PIK3C2B: variants seen among roughly 807,000 people sequenced by gnomAD.
PIK3C2B encodes the protein phosphatidylinositol-4-phosphate 3-kinase catalytic subunit type 2 beta.
A neutral mutation model predicts 184.3 loss-of-function variants in PIK3C2B; 83 were observed. The ratio of observed to expected loss-of-function variants is 0.45; its 90% confidence interval spans 0.38 to 0.54. The LOEUF (loss-of-function observed/expected upper bound fraction) is 0.54. Ranked by LOEUF, PIK3C2B falls within the 20% of genes least tolerant of loss-of-function variation. PIK3C2B has a pLI of 0.00. For missense variants in PIK3C2B, 1,736 were observed against 2,113.5 expected (o/e 0.82, Z 3.50); for synonymous variants, 779 against 837.6 (o/e 0.93, Z 1.21).
chr1:204,454,940 A>C, intron 11 of PIK3C2B, 149 bp from the exon 12 acceptor site: 1 of 809,484 alleles, frequency 1.2e-6, no homozygotes, highest in South Asian at 1.9e-5. Flanking sequence ...TAGGACAGCC[A>C]AACTGGATGT....
At chr1:204,489,351 T>C (rs1053902300) in intron 1 of PIK3C2B, among the ~76,000 whole-genome samples, 4 of 152,046 alleles carry the variant, frequency 2.6e-5, no homozygotes, top group African/African-American at 9.7e-5. Flanking sequence ...TTTTTATTTT[T>C]AGTAGAGACA....
At chr1:204,443,382 T>A (rs1379193527) in intron 19 of PIK3C2B, 35 bp downstream of exon 19, 1 of 1,576,776 alleles carries the variant, frequency 6.3e-7, no homozygotes, top group Non-Finnish European at 8.7e-7. Context: ...AAGCCCTGGA[T>A]GAGAAATGGG....
chr1:204,432,159 C>G (rs374248230), intron 27 of PIK3C2B, 41 bp downstream of exon 27: 2 of 1,567,228 alleles, frequency 1.3e-6, no homozygotes, highest in Non-Finnish European at 1.8e-6. Context: ...CCAGGGTCAG[C>G]AGAGAGCAGG....
At chr1:204,435,981 CTCTT>C (rs1243532549) in intron 23 of PIK3C2B, 2 of 152,226 alleles carry the variant, frequency 1.3e-5, no homozygotes, top group Non-Finnish European at 1.5e-5. Flanking sequence ...GTCACAGATG[CTCTT>C]TCTACCTTAA....
intron 2 of PIK3C2B, among the ~76,000 whole-genome samples, chr1:204,467,528 C>T (rs71633510): frequency 6.6e-6 from 1 of 152,120 alleles, no homozygotes; most frequent in Non-Finnish European, 1.5e-5. Flanking sequence ...AAGTAGAATG[C>T]TAAGCTGTCA....
intron 1 of PIK3C2B, among the ~76,000 whole-genome samples, chr1:204,474,054 C>T (rs1296925688): frequency 6.9e-6 from 1 of 144,334 alleles, no homozygotes; most frequent in African/African-American, 2.6e-5. Flanking sequence ...TGCAATGGCG[C>T]GATCTCGGCT....
chr1:204,424,691 T>C lies in PIK3C2B; in HGVS notation c.*161A>G, dbSNP rs200312111. The C allele has an allele frequency of 2.7e-5, 21 of 787,318 alleles. No individual in the cohort carries two copies. The highest frequency in any genetic ancestry group is 3.9e-5 in the Non-Finnish European group (17 of 438,784). 48.8% of individuals were successfully genotyped at this position (787,318 alleles called of 1,614,324 possible). A position where few individuals can be genotyped will look rare whatever the true frequency, so the allele number is the denominator to read the frequency against. Reference sequence around the variant, plus strand: ...AGAGGAAGAGACAGCAGAGCATGTCTTACTCTCCCTGCCTCCTACCACAGA... The same window carrying C: ...AGAGGAAGAGACAGCAGAGCATGTCCTACTCTCCCTGCCTCCTACCACAGA... On this transcript the variant is annotated 3_prime_UTR_variant, in exon 33 of 33. Transcript: ENST00000684373.
In PIK3C2B at chr1:204,424,364, C is replaced by G. The variant is rs1674634535; in HGVS notation, c.*488G>C. 2 of 196,498 alleles carry G rather than the reference C, an allele frequency of 1.0e-5. No homozygotes were observed. Among genetic ancestry groups the G allele is most frequent in the Non-Finnish European group, 2.1e-5 (2 of 93,174 alleles). 12.2% of individuals were successfully genotyped at this position (196,498 alleles called of 1,614,324 possible). A position where few individuals can be genotyped will look rare whatever the true frequency, so the allele number is the denominator to read the frequency against. ...AAAAAAAAAAACCTAGGGAAAAGTC[C>G]AATAAGAACCTTAATCATACAAAAA... On this transcript the variant is annotated 3_prime_UTR_variant, in exon 33 of 33. Coordinates refer to ENST00000684373, the MANE Select transcript of PIK3C2B (RefSeq NM_001377334.1).
In PIK3C2B at chr1:204,447,514, G is replaced by A; in HGVS notation, c.2411C>T (p.Pro804Leu). 3.1e-6 allele frequency: 5 copies of A among 1,612,716 alleles called. No individual in the cohort carries two copies. In the South Asian group the frequency reaches 4.4e-5, roughly 14 times the overall value. ...CCGGAGGCTGCCAAACTCATAGCGGGGGCTGAACTTGTCTCCAGGGGGGCT... is the reference window on the plus strand; with the variant it reads ...CCGGAGGCTGCCAAACTCATAGCGGAGGCTGAACTTGTCTCCAGGGGGGCT... ...FTSPPGDKFS[P>L]RYEFGSLREE... The change falls in exon 15 of 33, where the codon CCC becomes CTC. Residue 804 changes from proline to leucine, a missense_variant. Coordinates refer to ENST00000684373, the MANE Select transcript of PIK3C2B (RefSeq NM_001377334.1). This position sits in a 1 kb window ranked among gnomAD's most constrained non-coding sequence, Gnocchi z 4.1.
intron 1 of PIK3C2B, among the ~76,000 whole-genome samples, chr1:204,470,448 G>A (rs1271920745): frequency 1.3e-5 from 2 of 152,202 alleles, no homozygotes; most frequent in African/African-American, 2.4e-5. Context: ...GATTACAGGC[G>A]TGAGCTACCA....
chr1:204,443,043 G>T (rs541083682), intron 19 of PIK3C2B, among the ~76,000 whole-genome samples: 3 of 152,348 alleles, frequency 2.0e-5, no homozygotes, highest in South Asian at 4.1e-4. Context: ...AACAGATAAA[G>T]GTGTCCTCTC....
intron 12 of PIK3C2B, 39 bp downstream of exon 12, chr1:204,454,630 A>G: frequency 6.2e-7 from 1 of 1,609,010 alleles, no homozygotes; most frequent in East Asian, 2.2e-5. Flanking sequence ...GAGCAGGTCT[A>G]CAGTGGCCTG....
intron 1 of PIK3C2B, among the ~76,000 whole-genome samples, chr1:204,473,732 T>C (rs960691730): frequency 6.6e-6 from 1 of 152,238 alleles, no homozygotes; most frequent in African/African-American, 2.4e-5. Context: ...CACCCACTTA[T>C]GCATACTTGC....
At chr1:204,445,079 T>C (rs1276494846) in intron 16 of PIK3C2B, among the ~76,000 whole-genome samples, 5 of 151,992 alleles carry the variant, frequency 3.3e-5, no homozygotes, top group African/African-American at 7.3e-5. Context: ...AAAGAGGGAA[T>C]GGGCAATGAT....
At chr1:204,430,107 C>CT in intron 28 of PIK3C2B, 69 bp from the exon 29 acceptor site, 2 of 967,896 alleles carry the variant, frequency 2.1e-6, no homozygotes, top group Non-Finnish European at 3.2e-6. Context: ...ACACAATGGG[C>CT]TTTTTTCACA....
chr1:204,474,021 C>T (rs1484143321), intron 1 of PIK3C2B, among the ~76,000 whole-genome samples: 3 of 102,594 alleles, frequency 2.9e-5, no homozygotes, highest in African/African-American at 1.0e-4. Context: ...GATGGAGTTT[C>T]GCTCTTGCTG....
At chr1:204,481,447 C>A (rs781644869) in intron 1 of PIK3C2B, among the ~76,000 whole-genome samples, 2 of 151,930 alleles carry the variant, frequency 1.3e-5, no homozygotes, top group Non-Finnish European at 2.9e-5. Context: ...TTAGTAGACA[C>A]GGGGTTTCAT....
At position 204,447,413 on chromosome 1, in the gene PIK3C2B, T is replaced by C; in HGVS notation, c.2489+23A>G. 6.2e-7 allele frequency: 1 copy of C among 1,605,192 alleles called. No individual in the cohort carries two copies. Among genetic ancestry groups the C allele is most frequent in the Non-Finnish European group, 8.5e-7 (1 of 1,173,226 alleles). On this transcript the variant is annotated intron_variant, in intron 15 of 32. Coordinates refer to ENST00000684373, the MANE Select transcript of PIK3C2B (RefSeq NM_001377334.1). The surrounding 1 kb of genome is among the most constrained non-coding windows in gnomAD (Gnocchi z 4.1). ...GGGAGGTCAGATGAAACATGACAGA[T>C]TCAGTGGGGGCCCGGGTCTCACCAG...
intron 3 of PIK3C2B, 143 bp downstream of exon 3, chr1:204,465,076 T>C (rs1019190991): frequency 1.5e-6 from 1 of 654,504 alleles, no homozygotes; most frequent in Non-Finnish European, 2.8e-6. Context: ...CAGACACTTG[T>C]TGTAGGAAGC....
Sources: allele counts gnomAD v4.1 joint callset (sites outside exome capture counted in the v4.1 genomes callset), GRCh38; gene constraint gnomAD v4.1.1; non-coding constraint Gnocchi (gnomAD v3.1); transcripts MANE v1.5; gene names NCBI Gene and HGNC (gene_info 2026-07-23, HGNC 2026-07-21).